EXOC4: variants seen among roughly 807,000 people sequenced by gnomAD.
EXOC4 encodes exocyst complex component 4.
Under a neutral mutation model 107.2 loss-of-function variants are expected in EXOC4, and 71 were observed. The observed-to-expected ratio is 0.66, with a 90% confidence interval of 0.55 to 0.81. The LOEUF is 0.81. EXOC4 is among the 30% of genes least tolerant of loss of function. The pLI, the probability that EXOC4 is intolerant of heterozygous loss-of-function variation, is 0.00. For synonymous variants in EXOC4, 456 were observed against 441.2 expected (o/e 1.03, Z -0.42); for missense variants, 1,108 against 1,189.6 (o/e 0.93, Z 1.01).
At chr7:133,789,272 C>G (rs1440606848) in intron 10 of EXOC4, among the ~76,000 whole-genome samples, 4 of 152,166 alleles carry the variant, frequency 2.6e-5, no homozygotes. Flanking sequence ...TATTCTTTAT[C>G]TAAAAAGTTC....
intron 11 of EXOC4, among the ~76,000 whole-genome samples, chr7:133,831,218 C>T (rs1197722175): frequency 6.6e-6 from 1 of 152,142 alleles, no homozygotes. Context: ...CTGCCTTGGC[C>T]TCCCAAAGTG....
At chr7:133,397,397 G>C (rs1002832682) in intron 7 of EXOC4, among the ~76,000 whole-genome samples, 1 of 151,754 alleles carries the variant, frequency 6.6e-6, no homozygotes, top group African/African-American at 2.4e-5. Context: ...GCCTCCCAAA[G>C]TGCTGGGATT....
intron 17 of EXOC4, among the ~76,000 whole-genome samples, chr7:134,018,504 G>A (rs557687529): frequency 6.6e-6 from 1 of 152,284 alleles, no homozygotes; most frequent in South Asian, 2.1e-4. Context: ...TCAGAGTACT[G>A]AAGGAAGGTC....
chr7:133,685,650 A>G (rs546898686), intron 10 of EXOC4, among the ~76,000 whole-genome samples: 2 of 152,338 alleles, frequency 1.3e-5, no homozygotes, highest in African/African-American at 4.8e-5. Flanking sequence ...TAGTAAAAGT[A>G]GTAAAAGATT....
chr7:133,429,113 AAGG>A (rs1202766740), intron 7 of EXOC4, among the ~76,000 whole-genome samples: 2 of 152,144 alleles, frequency 1.3e-5, no homozygotes, highest in Admixed American at 1.3e-4. Context: ...AACAATGATG[AAGG>A]AGAAGTAGTG....
At chr7:133,444,571 A>C (rs778809478) in intron 7 of EXOC4, among the ~76,000 whole-genome samples, 1 of 152,198 alleles carries the variant, frequency 6.6e-6, no homozygotes, top group African/African-American at 2.4e-5. Flanking sequence ...CCTATGAAAA[A>C]GATACAATTA....
At chr7:133,710,755 A>G (rs1794874137) in intron 10 of EXOC4, among the ~76,000 whole-genome samples, 1 of 152,040 alleles carries the variant, frequency 6.6e-6, no homozygotes, top group South Asian at 2.1e-4. Context: ...ATGCAGTCAG[A>G]GAGACAGAAA....
At chr7:133,987,194 C>T (rs1794134781) in intron 14 of EXOC4, among the ~76,000 whole-genome samples, 1 of 152,010 alleles carries the variant, frequency 6.6e-6, no homozygotes, top group African/African-American at 2.4e-5. Flanking sequence ...GGCAAGGTTC[C>T]TCACGCCTGT....
chr7:133,990,589 A>G (rs772904131), intron 14 of EXOC4, among the ~76,000 whole-genome samples: 3 of 151,882 alleles, frequency 2.0e-5, no homozygotes, highest in Non-Finnish European at 4.4e-5. Flanking sequence ...CTGAGTAGCT[A>G]GGATTACAGG....
intron 12 of EXOC4, among the ~76,000 whole-genome samples, chr7:133,914,144 G>A (rs117610563): frequency 6.6e-6 from 1 of 152,156 alleles, no homozygotes; most frequent in African/African-American, 2.4e-5. Flanking sequence ...TCAGAAGTTT[G>A]GTGCGAATAG....
chr7:133,940,339 T>C (rs74529761), intron 14 of EXOC4, among the ~76,000 whole-genome samples: 1,812 of 152,336 alleles, frequency 0.012, 47 homozygotes, highest in African/African-American at 0.041. Flanking sequence ...CCCAGTAAAG[T>C]TGATGTCTAA....
chr7:133,538,146 G>A (rs1021575045), intron 9 of EXOC4, among the ~76,000 whole-genome samples: 5 of 152,276 alleles, frequency 3.3e-5, no homozygotes, highest in African/African-American at 1.2e-4. Flanking sequence ...AACCCAGGCC[G>A]TTTGAATTCA....
At chr7:133,926,477 A>G (rs544575564) in intron 13 of EXOC4, among the ~76,000 whole-genome samples, 1 of 152,328 alleles carries the variant, frequency 6.6e-6, no homozygotes, top group Non-Finnish European at 1.5e-5. Context: ...TATTCATTAT[A>G]TTATACCTGA....
intron 8 of EXOC4, among the ~76,000 whole-genome samples, chr7:133,476,162 G>A (rs1025545237): frequency 6.6e-6 from 1 of 152,024 alleles, no homozygotes; most frequent in Non-Finnish European, 1.5e-5. Flanking sequence ...AGTAGCTAAC[G>A]TTTATTGAGT....
chr7:133,400,951 G>A (rs564101701), intron 7 of EXOC4, among the ~76,000 whole-genome samples: 9 of 152,298 alleles, frequency 5.9e-5, no homozygotes, highest in Middle Eastern at 6.8e-3. Context: ...GTGGGGGCAC[G>A]AGGAGCTGTT....
At chr7:133,585,627 GA>G (rs1169657119) in intron 9 of EXOC4, among the ~76,000 whole-genome samples, 25 of 141,258 alleles carry the variant, frequency 1.8e-4, no homozygotes, top group East Asian at 4.1e-4. Context: ...CCCTGTCTTA[GA>G]AAAAAAAAAA....
At chr7:133,966,043 C>G (rs1390166638) in intron 14 of EXOC4, among the ~76,000 whole-genome samples, 2 of 152,126 alleles carry the variant, frequency 1.3e-5, no homozygotes, top group African/African-American at 2.4e-5. Flanking sequence ...TCCTTCACAT[C>G]CCTTGTAAGT....
intron 11 of EXOC4, among the ~76,000 whole-genome samples, chr7:133,826,793 A>AT (rs1009431951): frequency 2.0e-5 from 3 of 152,162 alleles, no homozygotes; most frequent in African/African-American, 7.2e-5. Flanking sequence ...ACCTGGCAAT[A>AT]TTTTTTCCCC....
intron 10 of EXOC4, among the ~76,000 whole-genome samples, chr7:133,679,930 T>C (rs1193027389): frequency 6.6e-6 from 1 of 152,224 alleles, no homozygotes; most frequent in Non-Finnish European, 1.5e-5. Context: ...TGTCTCAATA[T>C]TAAATAGTGG....
Sources: allele counts gnomAD v4.1 joint callset (sites outside exome capture counted in the v4.1 genomes callset), GRCh38; gene constraint gnomAD v4.1.1; transcripts MANE v1.5; gene names NCBI Gene and HGNC (gene_info 2026-07-23, HGNC 2026-07-21).